The following TSHZ1 variants were observed in gnomAD, a reference collection of about 807,000 sequenced individuals.
TSHZ1 encodes teashirt zinc finger homeobox 1, also known as teashirt homolog 1.
Under a neutral mutation model 67.1 loss-of-function variants are expected in TSHZ1, and 12 were observed. The observed-to-expected ratio is 0.18, with a 90% confidence interval of 0.11 to 0.29. The LOEUF (loss-of-function observed/expected upper bound fraction) is 0.29. TSHZ1 is among the 10% of genes least tolerant of loss of function. The pLI, the probability that TSHZ1 is intolerant of heterozygous loss-of-function variation, is 1.00. For missense variants in TSHZ1, 1,305 were observed against 1,413.9 expected (o/e 0.92, Z 1.23); for synonymous variants, 632 against 622.4 (o/e 1.02, Z -0.23).
intron 1 of TSHZ1, among the ~76,000 whole-genome samples, chr18:75,249,729 C>A (rs960658748): frequency 2.0e-5 from 3 of 149,822 alleles, no homozygotes. Flanking sequence ...GTATGACTTC[C>A]TCCTCCTCAC....
chr18:75,220,852 A>G (rs551546721), intron 1 of TSHZ1, among the ~76,000 whole-genome samples: 52 of 152,344 alleles, frequency 3.4e-4, no homozygotes, highest in African/African-American at 1.3e-3. Flanking sequence ...GCCAACAGGA[A>G]CAGGGATTTG....
At chr18:75,243,113 G>A (rs1007197530) in intron 1 of TSHZ1, among the ~76,000 whole-genome samples, 1 of 152,192 alleles carries the variant, frequency 6.6e-6, no homozygotes, top group Non-Finnish European at 1.5e-5. Context: ...CTGGGGCATG[G>A]CTGGCACCTT....
chr18:75,256,172 T>C (rs139238045), intron 1 of TSHZ1, among the ~76,000 whole-genome samples: 1 of 152,360 alleles, frequency 6.6e-6, no homozygotes, highest in African/African-American at 2.4e-5. Context: ...ATGACTTCTT[T>C]AAGATGAATT....
intron 1 of TSHZ1, among the ~76,000 whole-genome samples, chr18:75,274,572 T>C (rs939900508): frequency 6.6e-6 from 1 of 152,202 alleles, no homozygotes; most frequent in Non-Finnish European, 1.5e-5. Context: ...CCATAAGAAC[T>C]AAAGATTGTT....
chr18:75,285,509 C>G lies in TSHZ1; in HGVS notation c.102C>G (p.Asp34Glu). Residue 34 changes from aspartate (D) to glutamate (E), a missense_variant, in exon 2 of 2, where the codon GAC becomes GAG. Coordinates refer to ENST00000580243, the MANE Select transcript of TSHZ1 (RefSeq NM_001308210.2). ...TAGATGAAGAGCACGTGGAGGATGA[C>G]GGGCTGTCTTTGGACATTCAGGAAA... The part of the protein sequence containing the change: ...AEIDEEHVED[D>E]GLSLDIQESE... 1 of 1,533,848 alleles carries G rather than the reference C, an allele frequency of 6.5e-7. No individual in the cohort carries two copies. Among genetic ancestry groups the G allele is most frequent in the East Asian group, 2.3e-5 (1 of 43,870 alleles).
At chr18:75,238,092 C>T (rs542146799) in intron 1 of TSHZ1, among the ~76,000 whole-genome samples, 39 of 152,148 alleles carry the variant, frequency 2.6e-4, no homozygotes, top group Non-Finnish European at 3.7e-4. Context: ...TGAGCCACCA[C>T]GCCAGGCTGA....
chr18:75,263,591 A>G (rs946465001), intron 1 of TSHZ1, among the ~76,000 whole-genome samples: 5 of 152,186 alleles, frequency 3.3e-5, no homozygotes, highest in African/African-American at 1.2e-4. Flanking sequence ...ACCATGTTCA[A>G]TATGTCTATG....
intron 1 of TSHZ1, among the ~76,000 whole-genome samples, chr18:75,252,275 A>G (rs1045169010): frequency 6.6e-6 from 1 of 152,218 alleles, no homozygotes; most frequent in Admixed American, 6.5e-5. Flanking sequence ...CCATAGTCTC[A>G]TCATTTCCTT....
chr18:75,214,734 C>G (rs914969364), intron 1 of TSHZ1, among the ~76,000 whole-genome samples: 1 of 152,130 alleles, frequency 6.6e-6, no homozygotes, highest in Non-Finnish European at 1.5e-5. Context: ...TAAAGAAATA[C>G]TGCTCAGAGG....
chr18:75,249,317 G>A (rs945963384), intron 1 of TSHZ1, among the ~76,000 whole-genome samples: 1 of 152,178 alleles, frequency 6.6e-6, no homozygotes, highest in Non-Finnish European at 1.5e-5. Flanking sequence ...AGAGGATCAT[G>A]CCCTGTGGCT....
chr18:75,212,024 G>C (rs911482581), intron 1 of TSHZ1, 108 bp downstream of exon 1: 2 of 850,516 alleles, frequency 2.4e-6, no homozygotes, highest in Non-Finnish European at 3.0e-6. Context: ...GCCCCAAGCT[G>C]GGGAGGGGAG....
intron 1 of TSHZ1, among the ~76,000 whole-genome samples, chr18:75,218,035 A>G (rs1200813993): frequency 6.6e-6 from 1 of 152,186 alleles, no homozygotes; most frequent in Non-Finnish European, 1.5e-5. Context: ...CCTTGACTTT[A>G]TGTGTAAGAT....
At chr18:75,272,170 G>C (rs1371964256) in intron 1 of TSHZ1, among the ~76,000 whole-genome samples, 1 of 152,272 alleles carries the variant, frequency 6.6e-6, no homozygotes, top group African/African-American at 2.4e-5. Context: ...GGTGATGGGA[G>C]CCCTAATGAG....
intron 1 of TSHZ1, among the ~76,000 whole-genome samples, chr18:75,218,362 A>G (rs1200855964): frequency 1.3e-5 from 2 of 152,222 alleles, no homozygotes; most frequent in South Asian, 2.1e-4. Context: ...GTTCTTAGCT[A>G]TAGCCTCAAA....
At chr18:75,224,400 A>G (rs545185736) in intron 1 of TSHZ1, among the ~76,000 whole-genome samples, 4 of 152,324 alleles carry the variant, frequency 2.6e-5, no homozygotes, top group Non-Finnish European at 5.9e-5. Flanking sequence ...TCCCTTTCTG[A>G]TGAGCGGAAG....
At chr18:75,228,537 T>C (rs1740133685) in intron 1 of TSHZ1, among the ~76,000 whole-genome samples, 1 of 152,182 alleles carries the variant, frequency 6.6e-6, no homozygotes, top group Non-Finnish European at 1.5e-5. Context: ...AAGCCCAGGC[T>C]CTCCCGTGTC....
chr18:75,230,342 CG>C (rs1270188129), intron 1 of TSHZ1, among the ~76,000 whole-genome samples: 1 of 152,070 alleles, frequency 6.6e-6, no homozygotes, highest in Non-Finnish European at 1.5e-5. Context: ...GCTGGAGCAG[CG>C]TGTTCCTAGG....
chr18:75,218,581 G>A (rs1249081081), intron 1 of TSHZ1, among the ~76,000 whole-genome samples: 3 of 152,162 alleles, frequency 2.0e-5, no homozygotes, highest in African/African-American at 4.8e-5. Flanking sequence ...ATTGTAAGTC[G>A]TTAACTAGAC....
chr18:75,276,747 AT>A (rs2023617827), intron 1 of TSHZ1, among the ~76,000 whole-genome samples: 1 of 152,174 alleles, frequency 6.6e-6, no homozygotes, highest in African/African-American at 2.4e-5. Flanking sequence ...TAAACATGTA[AT>A]TTGGTAAGAT....
Sources: allele counts gnomAD v4.1 joint callset (sites outside exome capture counted in the v4.1 genomes callset), GRCh38; gene constraint gnomAD v4.1.1; transcripts MANE v1.5; gene names NCBI Gene and HGNC (gene_info 2026-07-23, HGNC 2026-07-21).